MAF: variants seen among roughly 807,000 people sequenced by gnomAD.
The protein encoded by MAF is transcription factor Maf.
In MAF, 10 loss-of-function variants were observed where a neutral mutation model predicts 22.0. The observed-to-expected ratio is 0.45, with a 90% CI of 0.28 to 0.77. The LOEUF is 0.77. Ranked by LOEUF, MAF falls within the 30% of genes least tolerant of loss-of-function variation. The pLI is 0.12. For missense variants in MAF, 544 were observed against 548.4 expected (o/e 0.99, Z 0.08); for synonymous variants, 337 against 255.8 (o/e 1.32, Z -3.03).
At chr16:79,340,797 T>C in the MAF span, among the ~76,000 whole-genome samples, 1 of 152,088 alleles carries the variant, frequency 6.6e-6, no homozygotes. Context: ...CTTCAGGCAT[T>C]GCTAGATGTC....
the MAF span, among the ~76,000 whole-genome samples, chr16:79,431,687 G>T: frequency 6.6e-6 from 1 of 152,134 alleles, no homozygotes; most frequent in Admixed American, 6.6e-5. Context: ...ACTCAAAGGC[G>T]CCACTTTCAT....
At chr16:79,319,601 G>C in the MAF span, among the ~76,000 whole-genome samples, 1 of 152,182 alleles carries the variant, frequency 6.6e-6, no homozygotes, top group Admixed American at 6.5e-5. Context: ...CTTTAAAACA[G>C]ACAGGTGGGA....
At chr16:79,279,099 C>T in the MAF span, among the ~76,000 whole-genome samples, 1 of 152,050 alleles carries the variant, frequency 6.6e-6, no homozygotes, top group African/African-American at 2.4e-5. Context: ...CGGAGGTAGC[C>T]CTGTCATCAA....
the MAF span, among the ~76,000 whole-genome samples, chr16:79,257,842 T>C: frequency 6.6e-6 from 1 of 152,166 alleles, no homozygotes. Context: ...AAGCCATACT[T>C]ATACTATTGA....
downstream of MAF, among the ~76,000 whole-genome samples, chr16:79,589,399 T>C (rs969157561): frequency 1.3e-5 from 2 of 152,172 alleles, no homozygotes; most frequent in Non-Finnish European, 2.9e-5. Flanking sequence ...CGTATCGAGA[T>C]TTCCATAAAG....
Position 79,600,114 on chromosome 16 carries a change from C to G in MAF, c.-212G>C. ...GCGCCCCCCGCGCCCGCCCTCCCTC[C>G]CCCCTGCTCACGCCAATGTGCTCCC... is the stretch of plus-strand genomic sequence containing the variant. On this transcript the variant is annotated 5_prime_UTR_variant, in exon 1 of 2. Coordinates refer to ENST00000326043, the MANE Select transcript of MAF (RefSeq NM_005360.5). 1.7e-6 allele frequency: 1 copy of G among 572,882 alleles called. No individual in the cohort carries two copies. Among genetic ancestry groups the G allele is most frequent in the Non-Finnish European group, 2.9e-6 (1 of 339,044 alleles). 35.5% of individuals were successfully genotyped at this position (572,882 alleles called of 1,614,324 possible).
At chr16:79,520,212 G>A in the MAF span, among the ~76,000 whole-genome samples, 2,800 of 152,192 alleles carry the variant, frequency 0.018, 100 homozygotes, top group African/African-American at 0.064. Context: ...TTAGCAGCTG[G>A]GGCCATCTTA....
the MAF span, among the ~76,000 whole-genome samples, chr16:79,315,322 G>A: frequency 6.6e-6 from 1 of 152,140 alleles, no homozygotes; most frequent in Admixed American, 6.5e-5. Context: ...TGGGTGAATG[G>A]ATGGGGGAGA....
At chr16:79,448,091 G>A in the MAF span, among the ~76,000 whole-genome samples, 1 of 152,130 alleles carries the variant, frequency 6.6e-6, no homozygotes, top group Non-Finnish European at 1.5e-5. Flanking sequence ...ACACTTAGTT[G>A]ATAAAGCAGC....
the MAF span, among the ~76,000 whole-genome samples, chr16:79,384,981 G>A: frequency 6.6e-6 from 1 of 152,170 alleles, no homozygotes; most frequent in Non-Finnish European, 1.5e-5. Context: ...ATGTGGTCTG[G>A]CTGTGGATTG....
the MAF span, among the ~76,000 whole-genome samples, chr16:79,341,722 T>C: frequency 6.6e-6 from 1 of 152,150 alleles, no homozygotes; most frequent in Non-Finnish European, 1.5e-5. Flanking sequence ...ACAGAGTGGA[T>C]TGCAAGGTTG....
chr16:79,413,274 G>T, the MAF span, among the ~76,000 whole-genome samples: 2 of 105,802 alleles, frequency 1.9e-5, no homozygotes, highest in South Asian at 3.4e-4. Flanking sequence ...ACGGAGTCTC[G>T]CTCTGTCACC....
the MAF span, among the ~76,000 whole-genome samples, chr16:79,490,538 T>C: frequency 6.6e-6 from 1 of 152,190 alleles, no homozygotes; most frequent in Non-Finnish European, 1.5e-5. Context: ...GAGACAGATC[T>C]ATATGCACTG....
At chr16:79,587,730 A>G (rs1912934495) in intron 1 of MAF, among the ~76,000 whole-genome samples, 2 of 152,178 alleles carry the variant, frequency 1.3e-5, no homozygotes. Flanking sequence ...GCCTCATTAA[A>G]TGCGATATTT....
chr16:79,336,911 G>C, the MAF span, among the ~76,000 whole-genome samples: 5 of 152,148 alleles, frequency 3.3e-5, no homozygotes, highest in African/African-American at 9.7e-5. Flanking sequence ...TGAGTGCCTG[G>C]GGTGTACAAG....
chr16:79,550,571 A>G, the MAF span, among the ~76,000 whole-genome samples: 1 of 152,196 alleles, frequency 6.6e-6, no homozygotes, highest in Non-Finnish European at 1.5e-5. Flanking sequence ...ATTGTCATGC[A>G]AAAAGGAGAG....
intron 1 of MAF, among the ~76,000 whole-genome samples, chr16:79,588,197 G>GA: frequency 6.6e-6 from 1 of 152,244 alleles, no homozygotes; most frequent in African/African-American, 2.4e-5. Flanking sequence ...TTTACATGGG[G>GA]ATCGCAACCT....
At chr16:79,520,490 T>TGC in the MAF span, among the ~76,000 whole-genome samples, 1 of 152,118 alleles carries the variant, frequency 6.6e-6, no homozygotes, top group African/African-American at 2.4e-5. Flanking sequence ...TGTGTGCGTG[T>TGC]GTGTGTGTGT....
chr16:79,372,636 G>T, the MAF span, among the ~76,000 whole-genome samples: 1 of 152,140 alleles, frequency 6.6e-6, no homozygotes, highest in African/African-American at 2.4e-5. Context: ...GCGGTCTGGC[G>T]GGTGAGCCCC....
Sources: gnomAD v4.1 joint callset for allele counts (sites outside exome capture counted in the v4.1 genomes callset) on GRCh38, gnomAD v4.1.1 for gene constraint, MANE v1.5 for transcripts, NCBI Gene and HGNC (gene_info 2026-07-23, HGNC 2026-07-21) for gene names.